UNC5D: variants seen among roughly 807,000 people sequenced by gnomAD.
UNC5D encodes the protein netrin receptor UNC5D.
A neutral mutation model predicts 105.4 loss-of-function variants in UNC5D; 39 were observed. The ratio of observed to expected loss-of-function variants is 0.37; its 90% CI spans 0.29 to 0.48. The LOEUF (loss-of-function observed/expected upper bound fraction) is 0.48. Among genes scored for constraint, UNC5D ranks in the 20% least tolerant of loss-of-function variants. The pLI is 0.98. For synonymous variants in UNC5D, 452 were observed against 450.4 expected (o/e 1.00, Z -0.04); for missense variants, 991 against 1,202.4 (o/e 0.82, Z 2.60).
At chr8:35,302,979 GT>G (rs1163535483) in intron 1 of UNC5D, among the ~76,000 whole-genome samples, 1 of 151,992 alleles carries the variant, frequency 6.6e-6, no homozygotes, top group Non-Finnish European at 1.5e-5. Context: ...TATAAGTTAA[GT>G]TTTTTGCAGC....
At chr8:35,261,295 A>G (rs1319891604) in intron 1 of UNC5D, among the ~76,000 whole-genome samples, 1 of 152,156 alleles carries the variant, frequency 6.6e-6, no homozygotes, top group Non-Finnish European at 1.5e-5. Flanking sequence ...GCTATTCAGA[A>G]CCCTGCACAA....
intron 4 of UNC5D, among the ~76,000 whole-genome samples, chr8:35,604,468 C>G (rs1302840669): frequency 6.6e-6 from 1 of 152,152 alleles, no homozygotes; most frequent in African/African-American, 2.4e-5. Context: ...TCTCTGGCTG[C>G]CCTTAACATT....
At chr8:35,520,843 A>G (rs1345475953) in intron 1 of UNC5D, among the ~76,000 whole-genome samples, 1 of 152,100 alleles carries the variant, frequency 6.6e-6, no homozygotes, top group African/African-American at 2.4e-5. Context: ...TGAGTGATGG[A>G]TTTATTGTCC....
chr8:35,274,546 A>G lies in UNC5D; in HGVS notation c.103+38659A>G, dbSNP rs112698705. Among the ~76,000 whole-genome samples, 240 of 152,270 alleles carry G rather than the reference A, an allele frequency of 1.6e-3. 1 individual carries two copies. Among genetic ancestry groups the G allele is most frequent in the African/African-American group, 5.4e-3 (225 of 41,566 alleles). ...GAAGACGACGGCCTGTGGATTGATG[A>G]CAAGCGTTTATATCAGCCTGAAGAG... On this transcript the variant is annotated intron_variant, in intron 1 of 16. Transcript: ENST00000404895.
intron 1 of UNC5D, among the ~76,000 whole-genome samples, chr8:35,373,629 T>C (rs914803818): frequency 6.6e-5 from 10 of 152,296 alleles, no homozygotes; most frequent in Admixed American, 2.0e-4. Context: ...GATGATGATG[T>C]TATTTTGAAT....
At chr8:35,248,961 AATATATAT>A (rs1803456140) in intron 1 of UNC5D, among the ~76,000 whole-genome samples, 1 of 95,012 alleles carries the variant, frequency 1.1e-5, no homozygotes, top group Non-Finnish European at 1.8e-5. Context: ...AAACATATAT[AATATATAT>A]TATATATTTT....
chr8:35,421,963 A>C (rs564164841), intron 1 of UNC5D, among the ~76,000 whole-genome samples: 1 of 152,394 alleles, frequency 6.6e-6, no homozygotes, highest in Admixed American at 6.5e-5. Flanking sequence ...AATTTGGGAC[A>C]GAATAATATA....
At chr8:35,489,522 C>T (rs781188199) in intron 1 of UNC5D, among the ~76,000 whole-genome samples, 1 of 152,120 alleles carries the variant, frequency 6.6e-6, no homozygotes, top group Non-Finnish European at 1.5e-5. Context: ...GACACAGAAA[C>T]ACTAGGGATG....
At chr8:35,789,197 G>A (rs1191907584) in intron 16 of UNC5D, among the ~76,000 whole-genome samples, 3 of 95,272 alleles carry the variant, frequency 3.1e-5, no homozygotes, top group East Asian at 3.4e-4. Context: ...ATGAGATAGG[G>A]ATATCCATAT....
intron 1 of UNC5D, among the ~76,000 whole-genome samples, chr8:35,289,959 T>TG (rs1806913549): frequency 6.6e-6 from 1 of 151,660 alleles, no homozygotes; most frequent in Admixed American, 6.6e-5. Context: ...AAATGAAAAA[T>TG]AAAAATAAAA....
chr8:35,482,969 A>G (rs1810583197), intron 1 of UNC5D, among the ~76,000 whole-genome samples: 1 of 151,226 alleles, frequency 6.6e-6, no homozygotes, highest in Non-Finnish European at 1.5e-5. Flanking sequence ...CGCCCGGCTA[A>G]TTTTTGTATT....
intron 1 of UNC5D, among the ~76,000 whole-genome samples, chr8:35,546,693 C>T (rs939874890): frequency 5.3e-5 from 8 of 152,006 alleles, no homozygotes; most frequent in Non-Finnish European, 7.4e-5. Context: ...CAAAATCCTG[C>T]GGGGACTTGG....
At chr8:35,526,659 T>G (rs947179447) in intron 1 of UNC5D, among the ~76,000 whole-genome samples, 2 of 152,082 alleles carry the variant, frequency 1.3e-5, no homozygotes, top group African/African-American at 4.8e-5. Context: ...AGATAAAGAG[T>G]TCATTGTTTT....
At chr8:35,609,963 C>A (rs543219053) in intron 4 of UNC5D, among the ~76,000 whole-genome samples, 54 of 152,324 alleles carry the variant, frequency 3.5e-4, no homozygotes, top group African/African-American at 1.2e-3. Flanking sequence ...CAATAGACTT[C>A]TCTCTGCAAG....
In UNC5D at chr8:35,513,495, CTGGG is replaced by C. The variant is rs745612492; in HGVS notation, c.104-35796_104-35793del. On this transcript the variant is annotated intron_variant, in intron 1 of 16. Transcript: ENST00000404895. The stretch of plus-strand genomic sequence containing the variant: ...CCACCTGCCTCTGCCTCCCAAGGTG[CTGGG>C]ATTACAGGAGTGAGCCACCATGCCC... Among the ~76,000 whole-genome samples the C allele has an allele frequency of 4.8e-3, 738 of 152,274 alleles. 2 individuals carry two copies. The highest frequency in any genetic ancestry group is 8.5e-3 in the Non-Finnish European group (578 of 68,014).
intron 2 of UNC5D, among the ~76,000 whole-genome samples, chr8:35,550,160 A>T (rs1816017638): frequency 6.6e-6 from 1 of 152,164 alleles, no homozygotes; most frequent in African/African-American, 2.4e-5. Context: ...ATCAGGCTTT[A>T]AGCATTTGAC....
At chr8:35,458,247 C>G (rs1585889054) in intron 1 of UNC5D, among the ~76,000 whole-genome samples, 2 of 152,254 alleles carry the variant, frequency 1.3e-5, no homozygotes, top group East Asian at 3.9e-4. Context: ...TTTTCTGGCA[C>G]AGAAATGCCT....
intron 4 of UNC5D, among the ~76,000 whole-genome samples, chr8:35,665,457 T>C (rs1824363389): frequency 6.6e-6 from 1 of 152,152 alleles, no homozygotes; most frequent in Non-Finnish European, 1.5e-5. Flanking sequence ...CTTTCAACTA[T>C]TGATGTTACA....
chr8:35,721,835 G>T (rs1297690028), intron 8 of UNC5D, among the ~76,000 whole-genome samples: 1 of 152,110 alleles, frequency 6.6e-6, no homozygotes, highest in East Asian at 1.9e-4. Flanking sequence ...ACTGTGTGTG[G>T]GTCTGCCCTC....
Sources: allele counts gnomAD v4.1 joint callset (sites outside exome capture counted in the v4.1 genomes callset), GRCh38; gene constraint gnomAD v4.1.1; transcripts MANE v1.5; gene names NCBI Gene and HGNC (gene_info 2026-07-23, HGNC 2026-07-21).